BCL2: variants seen among roughly 807,000 people sequenced by gnomAD.
BCL2 encodes the protein BCL2 apoptosis regulator.
Under a neutral mutation model 14.2 loss-of-function variants are expected in BCL2, and 1 was observed. That is an observed-to-expected ratio of 0.07 (90% CI 0.02 to 0.33). BCL2 has a LOEUF of 0.33. Ranked by LOEUF, BCL2 falls within the 10% of genes least tolerant of loss-of-function variation. The pLI is 0.99. For missense variants in BCL2, 247 were observed against 305.9 expected (o/e 0.81, Z 1.44); for synonymous variants, 151 against 137.2 (o/e 1.10, Z -0.70).
At chr18:63,134,575 A>G (rs1031390644) in intron 2 of BCL2, among the ~76,000 whole-genome samples, 2 of 152,214 alleles carry the variant, frequency 1.3e-5, no homozygotes, top group Non-Finnish European at 2.9e-5. Flanking sequence ...TTGGCTGGCT[A>G]TAAGCAAATT....
In BCL2 at chr18:63,124,147, G is replaced by A. The variant is rs1265339355; in HGVS notation, c.*4478C>T. On this transcript the variant is annotated 3_prime_UTR_variant, in exon 3 of 3. Transcript: ENST00000333681. ...CAAGGTCATGGTTGTCCAAAGACAT[G>A]GAACAGAATGATTCACTGGGTAAGA... 4.5e-6 allele frequency: 1 copy of A among 221,830 alleles called. No individual in the cohort carries two copies. The highest frequency in any genetic ancestry group is 9.0e-6 in the Non-Finnish European group (1 of 110,856). 13.7% of individuals were successfully genotyped at this position (221,830 alleles called of 1,614,324 possible).
At chr18:63,199,452 GAC>G (rs1346341110) in intron 2 of BCL2, among the ~76,000 whole-genome samples, 1 of 147,628 alleles carries the variant, frequency 6.8e-6, no homozygotes, top group Admixed American at 6.8e-5. Context: ...CATACACAGA[GAC>G]ACACGCAGAC....
chr18:63,266,046 C>T (rs772180796), intron 2 of BCL2, among the ~76,000 whole-genome samples: 35 of 152,120 alleles, frequency 2.3e-4, no homozygotes, highest in Non-Finnish European at 4.3e-4. Flanking sequence ...TGCCCTTTGG[C>T]CGCAAATTCC....
chr18:63,146,347 C>T (rs1914511572), intron 2 of BCL2, among the ~76,000 whole-genome samples: 4 of 152,226 alleles, frequency 2.6e-5, no homozygotes, highest in Admixed American at 6.5e-5. Flanking sequence ...GGCAGAAGGA[C>T]GCTGGTCGTG....
chr18:63,286,857 C>T (rs1157151024), intron 2 of BCL2, among the ~76,000 whole-genome samples: 2 of 152,020 alleles, frequency 1.3e-5, no homozygotes, highest in African/African-American at 4.8e-5. Flanking sequence ...TGTCATTATC[C>T]CCATTGCAGA....
intron 2 of BCL2, among the ~76,000 whole-genome samples, chr18:63,294,262 C>T (rs1912738074): frequency 6.6e-6 from 1 of 152,026 alleles, no homozygotes. Context: ...CTGGAACCCT[C>T]AGTGAGGGAA....
rs1053988116 is a variant in BCL2, at chr18:63,228,309, C to A, written c.585+89773G>T. Reference sequence around the variant, plus strand: ...CGTATGAATTTTGGTGGGACACAAACATTCAGTTTATATAAGCAATATAAA... The same window carrying A: ...CGTATGAATTTTGGTGGGACACAAAAATTCAGTTTATATAAGCAATATAAA... On this transcript the variant is annotated intron_variant, in intron 2 of 2. Transcript: ENST00000333681. 2.6e-5 allele frequency among the ~76,000 whole-genome samples: 4 copies of A among 152,190 alleles called. No individual in the cohort carries two copies. The East Asian group carries it at 7.7e-4, about 29-fold the overall frequency.
At chr18:63,212,890 A>C (rs992250766) in intron 2 of BCL2, among the ~76,000 whole-genome samples, 1 of 152,320 alleles carries the variant, frequency 6.6e-6, no homozygotes. Flanking sequence ...AACAAAAAAA[A>C]AGTTGCTACC....
At chr18:63,264,627 A>C (rs1228667029) in intron 2 of BCL2, among the ~76,000 whole-genome samples, 1 of 152,222 alleles carries the variant, frequency 6.6e-6, no homozygotes, top group African/African-American at 2.4e-5. Flanking sequence ...GATATTAAAT[A>C]TTTTTAAGAA....
rs191896768 is a variant in BCL2 at position 63,185,367 on chromosome 18, T to C, written c.586-56608A>G. Among the ~76,000 whole-genome samples, 142 of 152,314 alleles carry C rather than the reference T, an allele frequency of 9.3e-4. 1 individual carries two copies. Among genetic ancestry groups the C allele is most frequent in the African/African-American group, 3.2e-3 (135 of 41,576 alleles). Reference sequence around the variant, plus strand: ...TGATTTCACAAAGTATGGTCAAGGCTAGGTGAGTGGGGTAGGAACAAAGTG... The same window carrying C: ...TGATTTCACAAAGTATGGTCAAGGCCAGGTGAGTGGGGTAGGAACAAAGTG... On this transcript the variant is annotated intron_variant, in intron 2 of 2. Coordinates refer to ENST00000333681, the MANE Select transcript of BCL2 (RefSeq NM_000633.3).
chr18:63,251,178 C>A (rs1350837631), intron 2 of BCL2, among the ~76,000 whole-genome samples: 1 of 72,768 alleles, frequency 1.4e-5, no homozygotes, highest in African/African-American at 5.5e-5. Context: ...GGGCTTGGGG[C>A]TTCTGGGGGT....
chr18:63,299,799 T>C (rs1232887355), intron 2 of BCL2, among the ~76,000 whole-genome samples: 2 of 134,814 alleles, frequency 1.5e-5, no homozygotes, highest in African/African-American at 5.0e-5. Flanking sequence ...ATCTCTTGCT[T>C]TTTTTTTTTC....
At chr18:63,137,616 C>T (rs1243983580) in intron 2 of BCL2, among the ~76,000 whole-genome samples, 2 of 152,090 alleles carry the variant, frequency 1.3e-5, no homozygotes, top group African/African-American at 2.4e-5. Flanking sequence ...GATGGTTAGC[C>T]GGTTCCCAAG....
At chr18:63,171,347 A>T (rs1915216002) in intron 2 of BCL2, among the ~76,000 whole-genome samples, 1 of 152,228 alleles carries the variant, frequency 6.6e-6, no homozygotes, top group East Asian at 1.9e-4. Flanking sequence ...TAGTGTGTCT[A>T]CCCTGCAATT....
Position 63,127,150 on chromosome 18 carries a change from T to C in BCL2, c.*1475A>G, listed in dbSNP as rs897634659. 8 of 228,972 alleles carry C rather than the reference T, an allele frequency of 3.5e-5. No homozygotes were observed. Among genetic ancestry groups the C allele is most frequent in the African/African-American group, 8.9e-5 (4 of 45,060 alleles). 14.2% of individuals were successfully genotyped at this position (228,972 alleles called of 1,614,324 possible). ...TACAGTGACAAGATAATGTTTTACA[T>C]GTAATTCCATAGACAGGGGTCAATT... On this transcript the variant is annotated 3_prime_UTR_variant, in exon 3 of 3. Transcript: ENST00000333681.
intron 2 of BCL2, among the ~76,000 whole-genome samples, chr18:63,225,657 C>T (rs983585331): frequency 3.9e-5 from 6 of 152,204 alleles, no homozygotes; most frequent in African/African-American, 1.2e-4. Flanking sequence ...AACTTGCCAG[C>T]CACTCTGGCA....
intron 2 of BCL2, among the ~76,000 whole-genome samples, chr18:63,137,164 G>A (rs1489725265): frequency 1.3e-5 from 2 of 152,188 alleles, no homozygotes; most frequent in Non-Finnish European, 2.9e-5. Flanking sequence ...TAGTTCTCCT[G>A]CTCAGCTTGT....
chr18:63,248,381 A>T (rs1052196476), intron 2 of BCL2, among the ~76,000 whole-genome samples: 5 of 152,240 alleles, frequency 3.3e-5, no homozygotes, highest in Non-Finnish European at 7.3e-5. Flanking sequence ...ACAGTAAAGC[A>T]AGGTTGTCTA....
chr18:63,163,057 G>C (rs939613716), intron 2 of BCL2, among the ~76,000 whole-genome samples: 1 of 152,192 alleles, frequency 6.6e-6, no homozygotes, highest in African/African-American at 2.4e-5. Flanking sequence ...TGTTGCCAAG[G>C]TTGGTCTTGA....
Sources: gnomAD v4.1 joint callset for allele counts (sites outside exome capture counted in the v4.1 genomes callset) on GRCh38, gnomAD v4.1.1 for gene constraint, MANE v1.5 for transcripts, NCBI Gene and HGNC (gene_info 2026-07-23, HGNC 2026-07-21) for gene names.